NRG3: variants seen among roughly 807,000 people sequenced by gnomAD.
NRG3 encodes the protein neuregulin 3, also known as pro-neuregulin-3, membrane-bound isoform.
A neutral mutation model predicts 66.9 loss-of-function variants in NRG3; 31 were observed. The observed-to-expected ratio is 0.46, with a 90% CI of 0.35 to 0.63. The LOEUF (loss-of-function observed/expected upper bound fraction) is 0.63, where lower values mean the gene tolerates loss of function less well. NRG3 is among the 20% of genes least tolerant of loss of function. The probability of loss-of-function intolerance (pLI) is 0.00; values close to 1 mark genes in which losing one functional copy is unlikely to be tolerated. For synonymous variants in NRG3, 393 were observed against 359.4 expected, an observed-to-expected ratio of 1.09 and a Z score of -1.06; for missense variants, 910 against 878.9, an observed-to-expected ratio of 1.04 and a Z score of -0.45.
At position 82,974,648 on chromosome 10, in the gene NRG3, C is replaced by T. The variant is rs546387572; in HGVS notation, c.1412+733C>T. Among the ~76,000 whole-genome samples the T allele has an allele frequency of 4.6e-5, 7 of 152,276 alleles. No homozygotes were observed. In the East Asian group the frequency reaches 1.4e-3, roughly 29 times the overall value. Reference sequence around the variant, plus strand: ...TATGGAAGTTGTCCGAAGACTTAAGCTTCCTTTTCTTAGTGAAATGTACAA... The same window carrying T: ...TATGGAAGTTGTCCGAAGACTTAAGTTTCCTTTTCTTAGTGAAATGTACAA... On this transcript the variant is annotated intron_variant, in intron 7 of 8. Coordinates refer to ENST00000372141, the MANE Select transcript of NRG3 (RefSeq NM_001010848.4).
chr10:82,823,964 G>A (rs1327345687), intron 3 of NRG3, among the ~76,000 whole-genome samples: 1 of 152,064 alleles, frequency 6.6e-6, no homozygotes, highest in Non-Finnish European at 1.5e-5. Flanking sequence ...TCACCTGCCT[G>A]CCAATAAAAC....
At chr10:82,454,546 T>C (rs774680582) in intron 2 of NRG3, among the ~76,000 whole-genome samples, 2 of 152,230 alleles carry the variant, frequency 1.3e-5, no homozygotes, top group Non-Finnish European at 1.5e-5. Flanking sequence ...ATTAAGCTAG[T>C]ATTTACAATG....
At chr10:82,019,791 T>C (rs2061974405) in intron 1 of NRG3, among the ~76,000 whole-genome samples, 2 of 152,194 alleles carry the variant, frequency 1.3e-5, no homozygotes, top group South Asian at 4.1e-4. Context: ...ATATCTCCTT[T>C]ATCATTTTTT....
chr10:82,550,755 A>C (rs1192817496), intron 2 of NRG3, among the ~76,000 whole-genome samples: 3 of 152,172 alleles, frequency 2.0e-5, no homozygotes, highest in African/African-American at 7.2e-5. Context: ...TGTTTCCTCC[A>C]TTAGCTAGAA....
chr10:82,458,324 A>C (rs1490389855), intron 2 of NRG3, among the ~76,000 whole-genome samples: 3 of 152,186 alleles, frequency 2.0e-5, no homozygotes, highest in Non-Finnish European at 4.4e-5. Flanking sequence ...TTGGCTTTGT[A>C]ATCTTATTGC....
At chr10:82,879,162 A>G (rs1842079433) in intron 4 of NRG3, among the ~76,000 whole-genome samples, 1 of 152,194 alleles carries the variant, frequency 6.6e-6, no homozygotes, top group African/African-American at 2.4e-5. Flanking sequence ...CAGCCTCTTC[A>G]CTAGAAAATA....
At chr10:82,156,579 T>A (rs536572050) in intron 1 of NRG3, among the ~76,000 whole-genome samples, 1 of 151,740 alleles carries the variant, frequency 6.6e-6, no homozygotes, top group South Asian at 2.1e-4. Context: ...TATACATGGG[T>A]AAACATTTTC....
intron 2 of NRG3, among the ~76,000 whole-genome samples, chr10:82,664,789 G>T (rs946683311): frequency 5.3e-5 from 8 of 151,876 alleles, no homozygotes; most frequent in Admixed American, 1.3e-4. Flanking sequence ...CACTCCCACC[G>T]TCCAGCTTTC....
intron 2 of NRG3, among the ~76,000 whole-genome samples, chr10:82,375,831 C>T (rs533752164): frequency 6.6e-6 from 1 of 152,094 alleles, no homozygotes; most frequent in African/African-American, 2.4e-5. Context: ...CAGGGTGATC[C>T]GTCGCAATTT....
At chr10:82,161,417 G>A (rs2071588887) in intron 1 of NRG3, among the ~76,000 whole-genome samples, 1 of 152,056 alleles carries the variant, frequency 6.6e-6, no homozygotes, top group Non-Finnish European at 1.5e-5. Context: ...CACCGACTAT[G>A]GGGCAAGTGG....
At chr10:82,200,944 T>C (rs1409339603) in intron 1 of NRG3, among the ~76,000 whole-genome samples, 1 of 152,048 alleles carries the variant, frequency 6.6e-6, no homozygotes, top group East Asian at 1.9e-4. Context: ...ACACCTGTAA[T>C]CCCAGCACTT....
At chr10:82,116,170 AT>A (rs1399555597) in intron 1 of NRG3, among the ~76,000 whole-genome samples, 2 of 151,998 alleles carry the variant, frequency 1.3e-5, no homozygotes, top group East Asian at 1.9e-4. Context: ...TCCAAAAAAA[AT>A]TTTTTTAGTA....
At chr10:82,540,580 T>C (rs568961413) in intron 2 of NRG3, among the ~76,000 whole-genome samples, 85 of 151,928 alleles carry the variant, frequency 5.6e-4, no homozygotes, top group African/African-American at 1.9e-3. Flanking sequence ...GCCTGGAGTG[T>C]TGGAGCCCAG....
chr10:82,083,153 T>A, intron 1 of NRG3, among the ~76,000 whole-genome samples: 1 of 152,118 alleles, frequency 6.6e-6, no homozygotes, highest in East Asian at 1.9e-4. Flanking sequence ...TTAAGGCTAT[T>A]TTTGATGATG....
chr10:82,698,367 G>A lies in NRG3; in HGVS notation c.954-40210G>A, dbSNP rs192404753. On this transcript the variant is annotated intron_variant, in intron 2 of 8. Transcript: ENST00000372141. ...AAGAAGCAGGAAAATTACACAAGAC[G>A]ATATGAGTACCCCACCTTGGAATCT... 1.8e-4 allele frequency among the ~76,000 whole-genome samples: 27 copies of A among 152,112 alleles called. 1 individual carries two copies. The highest frequency in any genetic ancestry group is 9.7e-4 in the East Asian group (5 of 5,162).
rs191737037 is a variant in NRG3, at chr10:82,084,582, A to G, written c.823+208419A>G. On this transcript the variant is annotated intron_variant, in intron 1 of 8. Transcript: ENST00000372141. Reference sequence around the variant, plus strand: ...TTATCCTTCATGCTTCTGTTGCACTATTTCCTTGGTGTGACATGCCGTAGT... The same window carrying G: ...TTATCCTTCATGCTTCTGTTGCACTGTTTCCTTGGTGTGACATGCCGTAGT... Among the ~76,000 whole-genome samples the G allele has an allele frequency of 2.8e-3, 411 of 149,362 alleles. 1 individual carries two copies. Among genetic ancestry groups the G allele is most frequent in the Non-Finnish European group, 4.9e-3 (329 of 67,580 alleles).
intron 2 of NRG3, among the ~76,000 whole-genome samples, chr10:82,419,385 G>A (rs2088888900): frequency 6.6e-6 from 1 of 152,128 alleles, no homozygotes; most frequent in South Asian, 2.1e-4. Flanking sequence ...AACAACACAG[G>A]TTTTCTTGAT....
At chr10:82,654,507 T>C (rs2051690369) in intron 2 of NRG3, among the ~76,000 whole-genome samples, 1 of 152,200 alleles carries the variant, frequency 6.6e-6, no homozygotes, top group Admixed American at 6.5e-5. Flanking sequence ...GCTTAATGTA[T>C]AAAGCAAAAA....
chr10:82,062,566 A>G (rs1227866041), intron 1 of NRG3, among the ~76,000 whole-genome samples: 1 of 151,764 alleles, frequency 6.6e-6, no homozygotes, highest in Non-Finnish European at 1.5e-5. Context: ...AGGTCACGCT[A>G]CTGCAGTCCA....
Sources: gnomAD v4.1 joint callset for allele counts (sites outside exome capture counted in the v4.1 genomes callset) on GRCh38, gnomAD v4.1.1 for gene constraint, MANE v1.5 for transcripts, NCBI Gene and HGNC (gene_info 2026-07-23, HGNC 2026-07-21) for gene names.